Variants in CFAP210 observed in about 807,000 individuals in gnomAD.
CFAP210 encodes the protein cilia and flagella associated protein 210.
chr2:169,692,382 G>A, the CFAP210 span, among the ~76,000 whole-genome samples: 5 of 151,312 alleles, frequency 3.3e-5, no homozygotes, highest in Non-Finnish European at 7.4e-5. Context: ...CCTTCTTGCC[G>A]CATCATAACA....
the CFAP210 span, among the ~76,000 whole-genome samples, chr2:169,689,137 G>A: frequency 6.6e-6 from 1 of 152,120 alleles, no homozygotes; most frequent in Non-Finnish European, 1.5e-5. Context: ...AATAGCACGG[G>A]AAAGACTGGC....
chr2:169,670,003 C>T, the CFAP210 span, among the ~76,000 whole-genome samples: 1 of 152,182 alleles, frequency 6.6e-6, no homozygotes, highest in Non-Finnish European at 1.5e-5. Flanking sequence ...TCTCTTTCTA[C>T]TCTTTCCCTA....
the CFAP210 span, among the ~76,000 whole-genome samples, chr2:169,667,806 G>A: frequency 3.6e-4 from 55 of 152,244 alleles, no homozygotes; most frequent in African/African-American, 1.3e-3. Context: ...GTAAACACGT[G>A]TGATGTCATC....
At chr2:169,685,561 C>T in the CFAP210 span, among the ~76,000 whole-genome samples, 1 of 152,044 alleles carries the variant, frequency 6.6e-6, no homozygotes, top group African/African-American at 2.4e-5. Context: ...GATGTATTTG[C>T]ACTTTTTGAT....
the CFAP210 span, chr2:169,681,379 A>AAG: frequency 1.4e-6 from 1 of 708,018 alleles, no homozygotes; most frequent in South Asian, 1.6e-5. Flanking sequence ...AGCTATGATT[A>AAG]AGTGAAAAAA....
chr2:169,651,875 C>CTTTT, the CFAP210 span, among the ~76,000 whole-genome samples: 1 of 143,800 alleles, frequency 7.0e-6, no homozygotes, highest in Non-Finnish European at 1.5e-5. Flanking sequence ...TATAAGGTTC[C>CTTTT]TTTTTTTTTT....
chr2:169,690,586 C>T, the CFAP210 span, among the ~76,000 whole-genome samples: 7 of 150,828 alleles, frequency 4.6e-5, no homozygotes, highest in East Asian at 1.4e-3. Flanking sequence ...TCACTTGAAC[C>T]TGGGAGGCAG....
chr2:169,665,296 C>CTT, the CFAP210 span, among the ~76,000 whole-genome samples: 7 of 125,836 alleles, frequency 5.6e-5, no homozygotes, highest in Non-Finnish European at 1.1e-4. Flanking sequence ...TTTTTAAAAA[C>CTT]TGTTTTTTGA....
chr2:169,651,681 G>C, the CFAP210 span, among the ~76,000 whole-genome samples: 1 of 151,932 alleles, frequency 6.6e-6, no homozygotes, highest in African/African-American at 2.4e-5. Flanking sequence ...TATTTTATCA[G>C]ACTACCCTGC....
chr2:169,650,367 CTTTG>C, the CFAP210 span: 174 of 1,598,638 alleles, frequency 1.1e-4, no homozygotes, highest in Non-Finnish European at 1.4e-4. Flanking sequence ...TTTAATTCTG[CTTTG>C]TTTTTTTCAT....
At chr2:169,645,697 C>A in the CFAP210 span, 2 of 625,928 alleles carry the variant, frequency 3.2e-6, no homozygotes, top group Admixed American at 3.1e-5. Flanking sequence ...TTTATATATA[C>A]CCAAAAGAAA....
At chr2:169,658,177 G>A in the CFAP210 span, 1 of 151,966 alleles carries the variant, frequency 6.6e-6, no homozygotes, top group South Asian at 2.1e-4. Context: ...TAACAAAGGT[G>A]AAACACATAA....
chr2:169,682,083 G>A, the CFAP210 span, among the ~76,000 whole-genome samples: 61,975 of 151,934 alleles, frequency 0.41, 12,913 homozygotes, highest in Non-Finnish European at 0.44. Context: ...TGATTGAGTT[G>A]GGTGTTCCGT....
At chr2:169,666,175 C>G in the CFAP210 span, among the ~76,000 whole-genome samples, 1 of 152,008 alleles carries the variant, frequency 6.6e-6, no homozygotes, top group Non-Finnish European at 1.5e-5. Context: ...TTTTGGTGAA[C>G]AGTACCACCA....
the CFAP210 span, among the ~76,000 whole-genome samples, chr2:169,656,340 A>G: frequency 0.1 from 15,165 of 146,372 alleles, 962 homozygotes; most frequent in Middle Eastern, 0.19. Flanking sequence ...GGAGAAGGAG[A>G]AGAGAGGAAG....
chr2:169,662,417 C>G, the CFAP210 span: 2 of 1,594,790 alleles, frequency 1.3e-6, no homozygotes, highest in Non-Finnish European at 1.7e-6. Flanking sequence ...CTTTCCTCTT[C>G]TTCCTCATGT....
At chr2:169,686,830 T>C in the CFAP210 span, among the ~76,000 whole-genome samples, 1 of 152,158 alleles carries the variant, frequency 6.6e-6, no homozygotes, top group Non-Finnish European at 1.5e-5. Flanking sequence ...ATCTTAACAA[T>C]ACTAAATCTC....
At chr2:169,671,823 A>G in the CFAP210 span, among the ~76,000 whole-genome samples, 1 of 152,246 alleles carries the variant, frequency 6.6e-6, no homozygotes, top group Non-Finnish European at 1.5e-5. Context: ...CTCAATGACT[A>G]GAATAGTGCC....
At chr2:169,690,685 C>A in the CFAP210 span, among the ~76,000 whole-genome samples, 362 of 148,312 alleles carry the variant, frequency 2.4e-3, 3 homozygotes, top group African/African-American at 8.6e-3. Flanking sequence ...AAAAAGAATT[C>A]TTGAAGACTT....
Sources: gnomAD v4.1 joint callset for allele counts (sites outside exome capture counted in the v4.1 genomes callset) on GRCh38, gnomAD v4.1.1 for gene constraint, MANE v1.5 for transcripts, NCBI Gene and HGNC (gene_info 2026-07-23, HGNC 2026-07-21) for gene names.